Variants in VCP observed in about 807,000 individuals in gnomAD.
VCP encodes transitional endoplasmic reticulum ATPase.
VCP carries 6 observed loss-of-function variants against 85.7 expected under a neutral mutation model. That is an observed-to-expected ratio of 0.07 (90% confidence interval 0.04 to 0.14). The LOEUF is 0.14. VCP is among the 10% of genes least tolerant of loss of function. VCP has a pLI of 1.00. For missense variants in VCP, 353 were observed against 1,043.4 expected (o/e 0.34, Z 9.12); for synonymous variants, 384 against 367.1 (o/e 1.05, Z -0.53).
At chr9:35,060,727 T>C in intron 12 of VCP, 74 bp downstream of exon 12, 3 of 1,612,630 alleles carry the variant, frequency 1.9e-6, no homozygotes, top group Admixed American at 1.7e-5. Flanking sequence ...AGCAAATGTG[T>C]TGACACCCTG....
intron 5 of VCP, 39 bp from the exon 6 acceptor site, chr9:35,064,324 T>C (rs370342873): frequency 1.2e-6 from 2 of 1,611,796 alleles, no homozygotes; most frequent in African/African-American, 1.3e-5. Context: ...AAGGCAAGAA[T>C]ATTATATCAG....
chr9:35,057,558 G>A, intron 15 of VCP, 28 bp from the exon 16 acceptor site: 1 of 1,603,682 alleles, frequency 6.2e-7, no homozygotes, highest in Non-Finnish European at 8.5e-7. Context: ...AGATCACTAG[G>A]GCTAGTTAAA....
At chr9:35,061,878 G>C in intron 9 of VCP, 125 bp downstream of exon 9, 1 of 1,555,182 alleles carries the variant, frequency 6.4e-7, no homozygotes, top group Non-Finnish European at 8.8e-7. Context: ...ACAGGACGTA[G>C]GGTAAAGGAA....
intron 12 of VCP, 21 bp downstream of exon 12, chr9:35,060,780 C>T: frequency 6.2e-7 from 1 of 1,614,160 alleles, no homozygotes; most frequent in Admixed American, 1.7e-5. Flanking sequence ...CAGTGACTCA[C>T]CCTGGACCAA....
intron 4 of VCP, among the ~76,000 whole-genome samples, chr9:35,066,074 C>T (rs900422438): frequency 2.0e-5 from 3 of 151,100 alleles, no homozygotes; most frequent in African/African-American, 7.3e-5. Context: ...TGCAGTGAGC[C>T]GAGATTGCAC....
intron 1 of VCP, among the ~76,000 whole-genome samples, chr9:35,069,864 C>T (rs957741858): frequency 6.6e-6 from 1 of 152,180 alleles, no homozygotes; most frequent in East Asian, 1.9e-4. Context: ...ATTTTTAAAA[C>T]GAATTTCTTC....
chr9:35,058,528 C>T (rs762491687), intron 15 of VCP, among the ~76,000 whole-genome samples: 1 of 152,050 alleles, frequency 6.6e-6, no homozygotes, highest in Non-Finnish European at 1.5e-5. Flanking sequence ...TTTGGGAGGC[C>T]GAGGTGGGCA....
intron 4 of VCP, 90 bp from the exon 5 acceptor site, chr9:35,065,471 CTCATTAGATAGTGCCCT>C (rs1372500690): frequency 3.8e-6 from 6 of 1,565,004 alleles, no homozygotes; most frequent in Non-Finnish European, 5.2e-6. Flanking sequence ...AAATGCCAAG[CTCATTAGATAGTGCCCT>C]TCATTAGATA....
intron 5 of VCP, among the ~76,000 whole-genome samples, chr9:35,064,890 CAG>C (rs1485179137): frequency 1.3e-5 from 2 of 152,134 alleles, no homozygotes; most frequent in Non-Finnish European, 2.9e-5. Context: ...TTTTTTGAGA[CAG>C]AGTCTCACTC....
intron 13 of VCP, 140 bp downstream of exon 13, chr9:35,060,173 G>A: frequency 1.1e-6 from 1 of 944,920 alleles, no homozygotes. Flanking sequence ...AGGTCTCTCA[G>A]ACCTCAGAAA....
chr9:35,065,954 C>T (rs1828820544), intron 4 of VCP, among the ~76,000 whole-genome samples: 1 of 152,052 alleles, frequency 6.6e-6, no homozygotes. Context: ...GGTGAAACCC[C>T]GTCTCTACTA....
intron 5 of VCP, 99 bp downstream of exon 5, chr9:35,065,152 G>C (rs1828802020): frequency 6.3e-7 from 1 of 1,575,030 alleles, no homozygotes. Flanking sequence ...ACAGGTGTCA[G>C]CCACCGCAGC....
intron 13 of VCP, chr9:35,060,026 G>A (rs571224721): frequency 3.0e-6 from 2 of 667,186 alleles, no homozygotes. Flanking sequence ...CAGCTACTCA[G>A]GAGGCTGAAG....
intron 7 of VCP, among the ~76,000 whole-genome samples, chr9:35,062,612 A>G (rs1292165563): frequency 1.3e-5 from 2 of 152,138 alleles, no homozygotes; most frequent in Non-Finnish European, 2.9e-5. Flanking sequence ...CTCTGGCTAG[A>G]GCAAGAGAGA....
intron 4 of VCP, among the ~76,000 whole-genome samples, chr9:35,066,183 C>G: frequency 6.6e-6 from 1 of 151,596 alleles, no homozygotes; most frequent in East Asian, 1.9e-4. Flanking sequence ...GTAATCCCAG[C>G]ACTTTGGGAG....
rs906475294 is a variant in VCP, at chr9:35,057,330, T to C, written c.2315+46A>G. The stretch of plus-strand genomic sequence containing the variant: ...GGACTCCCATCCCTTTTGGTGTAGG[T>C]CCCCAAAGTAACTTAAGCACTGTCT... On this transcript the variant is annotated intron_variant, in intron 16 of 16. Coordinates refer to ENST00000358901, the MANE Select transcript of VCP (RefSeq NM_007126.5). The C allele has an allele frequency of 3.7e-6, 6 of 1,613,958 alleles. No individual in the cohort carries two copies. The Admixed American group carries it at 6.7e-5, about 18-fold the overall frequency.
Position 35,057,191 on chromosome 9 carries a change from G to T in VCP, c.2347C>A (p.Pro783Thr), listed in dbSNP as rs1828626240. The stretch of plus-strand genomic sequence containing the variant: ...GTGCCGCCTCCACTGCCCTGACTGG[G>T]GCCAGCTCCACCCTGGTTCCCTGAA... ...FPSGNQGGAG[P>T]SQGSGGGTGG... Residue 783 changes from proline to threonine, a missense_variant, in exon 17 of 17, where the codon CCC becomes ACC. Pro to Thr is a conservative substitution (Grantham distance 38, BLOSUM62 -1). Around this residue, in one of 8 missense-constraint regions of VCP, gnomAD observed 93 missense variants for 197.1 expected, o/e 0.47. Transcript: ENST00000358901. The T allele has an allele frequency of 6.2e-7, 1 of 1,614,156 alleles. No homozygotes were observed. The highest frequency in any genetic ancestry group is 1.3e-5 in the African/African-American group (1 of 75,046).
chr9:35,060,809 G>A lies in VCP; in HGVS notation c.1474C>T (p.Leu492=), dbSNP rs1203880418. 6 of 1,614,056 alleles carry A rather than the reference G, an allele frequency of 3.7e-6. No individual in the cohort carries two copies. The Admixed American group carries it at 5.0e-5, about 13-fold the overall frequency. The change falls in exon 12 of 17, where the codon CTG becomes TTG. Residue 492 remains leucine (L), a synonymous_variant. Coordinates refer to ENST00000358901, the MANE Select transcript of VCP (RefSeq NM_007126.5). ...LEDVKRELQE[L]VQYPVEHPDK... is the part of the protein sequence containing the mutation. ...GGACCAAGTTGCCCTACCTGGACCA[G>A]CTCCTGTAGCTCACGTTTGACATCC... is the stretch of plus-strand genomic sequence containing the variant.
Position 35,072,614 on chromosome 9 carries a change from T to C in VCP, c.-261A>G. The C allele has an allele frequency of 2.1e-6, 1 of 471,186 alleles. No individual in the cohort carries two copies. The highest frequency in any genetic ancestry group is 3.7e-5 in the East Asian group (1 of 27,032). 29.2% of individuals were successfully genotyped at this position (471,186 alleles called of 1,614,324 possible). A position where few individuals can be genotyped will look rare whatever the true frequency, so the allele number is the denominator to read the frequency against. On this transcript the variant is annotated 5_prime_UTR_variant, in exon 1 of 17. Coordinates refer to ENST00000358901, the MANE Select transcript of VCP (RefSeq NM_007126.5). ...CGACTCAAACGACGGTCGCAGACGC[T>C]TCGCTGAGACTGAGCCGAGAAGAGC...
Sources: gnomAD v4.1 joint callset for allele counts (sites outside exome capture counted in the v4.1 genomes callset) on GRCh38, gnomAD v4.1.1 for gene constraint, gnomAD v4.1.1 regional missense constraint, MANE v1.5 for transcripts, NCBI Gene and HGNC (gene_info 2026-07-23, HGNC 2026-07-21) for gene names.